CNIH3: variants seen among roughly 807,000 people sequenced by gnomAD.
CNIH3 encodes the protein protein cornichon homolog 3.
Under a neutral mutation model 24.1 loss-of-function variants are expected in CNIH3, and 14 were observed. The ratio of observed to expected loss-of-function variants is 0.58; its 90% CI spans 0.38 to 0.91. The LOEUF is 0.91. Ranked by LOEUF, CNIH3 falls within the 40% of genes least tolerant of loss-of-function variation. The pLI, the probability that CNIH3 is intolerant of heterozygous loss-of-function variation, is 0.00. For missense variants in CNIH3, 178 were observed against 196.8 expected, an observed-to-expected ratio of 0.90 and a Z score of 0.57; for synonymous variants, 68 against 73.8, an observed-to-expected ratio of 0.92 and a Z score of 0.40.
At chr1:224,591,151 AT>A (rs1191814391), downstream of CNIH3, among the ~76,000 whole-genome samples, 3 of 152,220 alleles carry the variant, frequency 2.0e-5, no homozygotes, top group African/African-American at 4.8e-5. Flanking sequence ...TGAAAACAAC[AT>A]GCACATTGAC....
At chr1:224,434,807 G>A (rs1412190181) in exon 1 of CNIH3, 2 of 986,166 alleles carry the variant, frequency 2.0e-6, no homozygotes, top group African/African-American at 1.7e-5. Flanking sequence ...TGGAGTCCAG[G>A]CGCTCGCGTC....
chr1:224,526,162 A>C (rs1678837409), intron 2 of CNIH3, among the ~76,000 whole-genome samples: 1 of 152,194 alleles, frequency 6.6e-6, no homozygotes, highest in Non-Finnish European at 1.5e-5. Flanking sequence ...TTATCCTCCT[A>C]CAAAACTTCA....
chr1:224,616,637 G>A lies in CNIH3; in HGVS notation c.-538G>A, dbSNP rs2125059970. Reference sequence around the variant, plus strand: ...CTTCTCTCGGGAAAGAGCGCTGCCCGGCTCTGGGATTTGGGAGGAGCTCGG... The same window carrying A: ...CTTCTCTCGGGAAAGAGCGCTGCCCAGCTCTGGGATTTGGGAGGAGCTCGG... On this transcript the variant is annotated 5_prime_UTR_variant, in exon 1 of 6. Coordinates refer to ENST00000272133, the MANE Select transcript of CNIH3 (RefSeq NM_152495.2). 6.1e-6 allele frequency: 6 copies of A among 987,578 alleles called. No homozygotes were observed. The highest frequency in any genetic ancestry group is 7.2e-6 in the Non-Finnish European group (6 of 831,544). The allele number at this position is 987,578 out of a possible 1,614,324, so 61.2% of individuals were successfully genotyped here. A position where few individuals can be genotyped will look rare whatever the true frequency, so the allele number is the denominator to read the frequency against.
chr1:224,702,001 A>G (rs747238605), intron 3 of CNIH3, among the ~76,000 whole-genome samples: 3 of 152,174 alleles, frequency 2.0e-5, no homozygotes, highest in Non-Finnish European at 2.9e-5. Context: ...TCTGACATAA[A>G]AGCTGGGTTT....
At chr1:224,465,099 A>G (rs554190176) in intron 1 of CNIH3, among the ~76,000 whole-genome samples, 1 of 151,386 alleles carries the variant, frequency 6.6e-6, no homozygotes, top group South Asian at 2.1e-4. Context: ...CAGCCAAGAT[A>G]GTTAGAATTA....
At chr1:224,709,014 G>A (rs1687981383) in intron 3 of CNIH3, among the ~76,000 whole-genome samples, 1 of 152,194 alleles carries the variant, frequency 6.6e-6, no homozygotes, top group South Asian at 2.1e-4. Context: ...GTATTCTTCA[G>A]GACAACAATC....
chr1:224,434,735 G>GTCCTCGGATCCGC (rs1674562171), exon 1 of CNIH3: 2 of 986,500 alleles, frequency 2.0e-6, no homozygotes, highest in Non-Finnish European at 2.4e-6. Flanking sequence ...TGCCGCCTCT[G>GTCCTCGGATCCGC]TCCTCGGATC....
At chr1:224,621,870 G>A (rs1683297418) in intron 1 of CNIH3, among the ~76,000 whole-genome samples, 1 of 152,226 alleles carries the variant, frequency 6.6e-6, no homozygotes, top group Non-Finnish European at 1.5e-5. Context: ...CGTGTTGTGG[G>A]AAGGATCTGG....
intron 2 of CNIH3, among the ~76,000 whole-genome samples, chr1:224,528,730 CAT>C (rs1252280636): frequency 6.6e-6 from 1 of 152,110 alleles, no homozygotes; most frequent in Admixed American, 6.5e-5. Flanking sequence ...TGTTTTTCTA[CAT>C]GATTATATTT....
chr1:224,712,078 C>T (rs1372941395), intron 3 of CNIH3, among the ~76,000 whole-genome samples: 2 of 152,152 alleles, frequency 1.3e-5, no homozygotes, highest in African/African-American at 4.8e-5. Context: ...CGGGAACCTC[C>T]CCTCCATTCA....
intron 3 of CNIH3, among the ~76,000 whole-genome samples, chr1:224,699,076 C>T (rs535610526): frequency 3.3e-5 from 5 of 152,272 alleles, no homozygotes; most frequent in African/African-American, 4.8e-5. Flanking sequence ...ATTGAAGACA[C>T]GTTTCCCTAC....
chr1:224,674,190 T>G (rs950299515), intron 1 of CNIH3, among the ~76,000 whole-genome samples: 1 of 149,416 alleles, frequency 6.7e-6, no homozygotes, highest in African/African-American at 2.5e-5. Context: ...TTCCTAATGC[T>G]AAGCTCTCTG....
At chr1:224,576,312 A>G (rs915053539) in intron 4 of CNIH3, among the ~76,000 whole-genome samples, 7 of 152,312 alleles carry the variant, frequency 4.6e-5, no homozygotes, top group Middle Eastern at 3.4e-3. Flanking sequence ...AGTTCCTTTT[A>G]AAAAAAGTTA....
chr1:224,444,314 G>A (rs1675052894), intron 1 of CNIH3, among the ~76,000 whole-genome samples: 1 of 152,080 alleles, frequency 6.6e-6, no homozygotes, highest in Non-Finnish European at 1.5e-5. Context: ...CAGTTGGCTT[G>A]TATGAAGCAG....
chr1:224,716,760 C>T (rs1688450823), intron 3 of CNIH3, among the ~76,000 whole-genome samples: 1 of 152,126 alleles, frequency 6.6e-6, no homozygotes, highest in African/African-American at 2.4e-5. Flanking sequence ...TAGAGTCTGC[C>T]TTCCCCTCCC....
At chr1:224,633,144 A>G (rs981217339) in intron 1 of CNIH3, among the ~76,000 whole-genome samples, 1 of 151,980 alleles carries the variant, frequency 6.6e-6, no homozygotes, top group Non-Finnish European at 1.5e-5. Context: ...TCAGTAAGGA[A>G]TGTATCAGTT....
chr1:224,497,830 C>A (rs1188090655), intron 1 of CNIH3, among the ~76,000 whole-genome samples: 1 of 152,194 alleles, frequency 6.6e-6, no homozygotes, highest in Non-Finnish European at 1.5e-5. Context: ...AAGTAGTTGA[C>A]ACTTGCATCT....
At chr1:224,595,734 A>G (rs1681950374) in intron 3 of CNIH3, among the ~76,000 whole-genome samples, 1 of 152,234 alleles carries the variant, frequency 6.6e-6, no homozygotes. Context: ...AAATAAAAGC[A>G]CTACTCCAGT....
chr1:224,450,039 T>C (rs542592652), intron 1 of CNIH3, among the ~76,000 whole-genome samples: 46 of 151,990 alleles, frequency 3.0e-4, no homozygotes, highest in African/African-American at 1.0e-3. Context: ...CACATACATA[T>C]ATGTATATAT....
Sources: gnomAD v4.1 joint callset for allele counts (sites outside exome capture counted in the v4.1 genomes callset) on GRCh38, gnomAD v4.1.1 for gene constraint, MANE v1.5 for transcripts, NCBI Gene and HGNC (gene_info 2026-07-23, HGNC 2026-07-21) for gene names.